NRCAM: variants seen among roughly 807,000 people sequenced by gnomAD.
The protein encoded by NRCAM is NgCAM-related cell adhesion molecule.
A neutral mutation model predicts 156.5 loss-of-function variants in NRCAM; 83 were observed. The ratio of observed to expected loss-of-function variants is 0.53; its 90% CI spans 0.44 to 0.64. The LOEUF is 0.64. NRCAM is among the 30% of genes least tolerant of loss of function. NRCAM has a pLI of 0.00. For missense variants in NRCAM, 1,417 were observed against 1,597.3 expected, an observed-to-expected ratio of 0.89 and a Z score of 1.92; for synonymous variants, 538 against 563.9, an observed-to-expected ratio of 0.95 and a Z score of 0.65.
chr7:108,339,397 T>C (rs962872353), intron 2 of NRCAM, among the ~76,000 whole-genome samples: 1 of 152,190 alleles, frequency 6.6e-6, no homozygotes, highest in Non-Finnish European at 1.5e-5. Context: ...TCAAAAAGAT[T>C]ATCTCAATCC....
intron 1 of NRCAM, among the ~76,000 whole-genome samples, chr7:108,405,363 AG>A (rs1477270166): frequency 6.6e-6 from 1 of 152,254 alleles, no homozygotes; most frequent in Non-Finnish European, 1.5e-5. Flanking sequence ...GGCAGGAGCC[AG>A]GAAGAAAGGA....
intron 2 of NRCAM, among the ~76,000 whole-genome samples, chr7:108,341,475 A>T (rs1168650647): frequency 6.6e-6 from 1 of 152,126 alleles, no homozygotes; most frequent in Non-Finnish European, 1.5e-5. Context: ...ACTCTTTCAC[A>T]TGCTTTTCTA....
intron 2 of NRCAM, among the ~76,000 whole-genome samples, chr7:108,342,579 C>A (rs374166140): frequency 9.9e-5 from 15 of 152,282 alleles, no homozygotes; most frequent in African/African-American, 3.1e-4. Flanking sequence ...TAACCCAAGC[C>A]CCAGTGTTAA....
chr7:108,227,009 C>T (rs1238757015), intron 8 of NRCAM, among the ~76,000 whole-genome samples: 1 of 152,208 alleles, frequency 6.6e-6, no homozygotes, highest in Non-Finnish European at 1.5e-5. Context: ...AGCCCAGTTC[C>T]TCCACCTCCT....
chr7:108,241,799 G>C, intron 3 of NRCAM, among the ~76,000 whole-genome samples: 1 of 152,096 alleles, frequency 6.6e-6, no homozygotes, highest in East Asian at 1.9e-4. Context: ...ATACTGCTTG[G>C]TTTAAAAACC....
intron 25 of NRCAM, 64 bp from the exon 26 acceptor site, chr7:108,178,176 C>A (rs1435972129): frequency 6.5e-7 from 1 of 1,546,596 alleles, no homozygotes; most frequent in Non-Finnish European, 8.8e-7. Flanking sequence ...ATTAAATTGA[C>A]ATTTCACCGT....
At chr7:108,226,408 A>C (rs1459181141) in intron 8 of NRCAM, 30 bp from the exon 9 acceptor site, 1 of 1,568,394 alleles carries the variant, frequency 6.4e-7, no homozygotes, top group Non-Finnish European at 8.7e-7. Flanking sequence ...TATCAAGATT[A>C]TTCCATCATA....
At chr7:108,178,973 A>G (rs950263997) in intron 25 of NRCAM, among the ~76,000 whole-genome samples, 2 of 151,930 alleles carry the variant, frequency 1.3e-5, no homozygotes, top group South Asian at 2.1e-4. Flanking sequence ...ATTTCTTCCT[A>G]TCCCCATCTT....
At chr7:108,151,523 A>G (rs2041635479) in intron 32 of NRCAM, among the ~76,000 whole-genome samples, 1 of 152,214 alleles carries the variant, frequency 6.6e-6, no homozygotes, top group South Asian at 2.1e-4. Flanking sequence ...CCAAGAAGAA[A>G]ATCTGAAGAC....
intron 32 of NRCAM, among the ~76,000 whole-genome samples, chr7:108,154,183 T>G (rs1045200977): frequency 3.3e-5 from 5 of 152,172 alleles, no homozygotes; most frequent in South Asian, 2.1e-4. Flanking sequence ...AAACCTATAT[T>G]ATTAAGACAT....
intron 3 of NRCAM, among the ~76,000 whole-genome samples, chr7:108,310,110 A>G (rs889667138): frequency 3.9e-5 from 6 of 152,226 alleles, no homozygotes; most frequent in Non-Finnish European, 8.8e-5. Context: ...AACAGTCAGT[A>G]AATGACTCCA....
chr7:108,189,102 C>G (rs1308349722), intron 20 of NRCAM, among the ~76,000 whole-genome samples: 2 of 152,028 alleles, frequency 1.3e-5, no homozygotes, highest in African/African-American at 4.8e-5. Flanking sequence ...GTGTCACCAA[C>G]GTGAGAAGCT....
At chr7:108,262,563 T>C (rs543100970) in intron 3 of NRCAM, among the ~76,000 whole-genome samples, 3 of 152,288 alleles carry the variant, frequency 2.0e-5, no homozygotes, top group East Asian at 3.9e-4. Flanking sequence ...TTCTACAGCA[T>C]GGGAACAGCA....
chr7:108,360,049 A>G (rs2099538460), intron 2 of NRCAM, among the ~76,000 whole-genome samples: 1 of 152,180 alleles, frequency 6.6e-6, no homozygotes, highest in South Asian at 2.1e-4. Flanking sequence ...GAAAAATAAT[A>G]TGATTATAAC....
chr7:108,427,008 A>G (rs1818138514), intron 1 of NRCAM, among the ~76,000 whole-genome samples: 1 of 152,154 alleles, frequency 6.6e-6, no homozygotes, highest in Admixed American at 6.5e-5. Flanking sequence ...TATTCATCCA[A>G]TCTACTTCTC....
intron 2 of NRCAM, 132 bp downstream of exon 2, chr7:108,399,304 A>C (rs566970338): frequency 1.3e-5 from 2 of 152,278 alleles, no homozygotes; most frequent in South Asian, 4.2e-4. Flanking sequence ...CAAAAAAGAG[A>C]AACTATCAAT....
chr7:108,290,750 C>T (rs1469863116), intron 3 of NRCAM, among the ~76,000 whole-genome samples: 2 of 152,180 alleles, frequency 1.3e-5, no homozygotes, highest in African/African-American at 4.8e-5. Flanking sequence ...CAACATTTGA[C>T]TATCCATTAT....
At chr7:108,378,650 C>T (rs1289308173) in intron 2 of NRCAM, among the ~76,000 whole-genome samples, 2 of 137,008 alleles carry the variant, frequency 1.5e-5, no homozygotes, top group Admixed American at 1.4e-4. Flanking sequence ...CACACACACA[C>T]ACACACACAC....
At chr7:108,187,908 T>C (rs1163306260) in intron 20 of NRCAM, among the ~76,000 whole-genome samples, 3 of 151,476 alleles carry the variant, frequency 2.0e-5, no homozygotes, top group East Asian at 1.9e-4. Flanking sequence ...TGAGCCGAGA[T>C]CGCGCCACTG....
Sources: gnomAD v4.1 joint callset for allele counts (sites outside exome capture counted in the v4.1 genomes callset) on GRCh38, gnomAD v4.1.1 for gene constraint, MANE v1.5 for transcripts, NCBI Gene and HGNC (gene_info 2026-07-23, HGNC 2026-07-21) for gene names.